GNB4: variants seen among roughly 807,000 people sequenced by gnomAD.
GNB4 encodes guanine nucleotide-binding protein subunit beta-4.
In GNB4, 28 loss-of-function variants were observed where a neutral mutation model predicts 45.2. The ratio of observed to expected loss-of-function variants is 0.62; its 90% CI spans 0.46 to 0.85. The LOEUF (loss-of-function observed/expected upper bound fraction) is 0.85. Among genes scored for constraint, GNB4 ranks in the 40% least tolerant of loss-of-function variants. The pLI is 0.00. For synonymous variants in GNB4, 132 were observed against 143.7 expected, an observed-to-expected ratio of 0.92 and a Z score of 0.58; for missense variants, 321 against 425.4, an observed-to-expected ratio of 0.75 and a Z score of 2.16.
At chr3:179,416,986 C>T (rs1714818014) in intron 4 of GNB4, among the ~76,000 whole-genome samples, 1 of 152,176 alleles carries the variant, frequency 6.6e-6, no homozygotes, top group Non-Finnish European at 1.5e-5. Flanking sequence ...ACGCAGGATA[C>T]ATCGCCTGCT....
At chr3:179,430,493 A>G (rs1332042836) in intron 1 of GNB4, among the ~76,000 whole-genome samples, 1 of 151,720 alleles carries the variant, frequency 6.6e-6, no homozygotes, top group East Asian at 1.9e-4. Flanking sequence ...CACTCTGTCA[A>G]CCAGGCTGGA....
the GNB4 span, among the ~76,000 whole-genome samples, chr3:179,519,627 C>T: frequency 3.3e-5 from 5 of 152,138 alleles, no homozygotes; most frequent in African/African-American, 7.2e-5. Context: ...TAGGCCGAGA[C>T]ATTTTAACTA....
chr3:179,516,929 A>G, the GNB4 span, among the ~76,000 whole-genome samples: 960 of 152,284 alleles, frequency 6.3e-3, 16 homozygotes, highest in African/African-American at 0.022. Context: ...CCTTGCAGTG[A>G]ATGACTCCAG....
the GNB4 span, among the ~76,000 whole-genome samples, chr3:179,509,642 C>G: frequency 6.6e-6 from 1 of 151,526 alleles, no homozygotes; most frequent in Non-Finnish European, 1.5e-5. Context: ...CCCTTTGGCC[C>G]TCCCTTCCCT....
At chr3:179,515,194 A>C in the GNB4 span, among the ~76,000 whole-genome samples, 1 of 152,264 alleles carries the variant, frequency 6.6e-6, no homozygotes, top group Non-Finnish European at 1.5e-5. Context: ...CTGGGTGTTT[A>C]CAATGTGTCA....
chr3:179,464,306 A>C, the GNB4 span: 1 of 591,770 alleles, frequency 1.7e-6, no homozygotes, highest in Non-Finnish European at 3.1e-6. Flanking sequence ...TAAAAATTAA[A>C]AATATTAAAC....
chr3:179,499,347 G>T, the GNB4 span, among the ~76,000 whole-genome samples: 2 of 152,108 alleles, frequency 1.3e-5, no homozygotes, highest in South Asian at 2.1e-4. Context: ...TTTTAGTAGA[G>T]ACAGGGTTTC....
chr3:179,475,607 G>A, the GNB4 span, among the ~76,000 whole-genome samples: 6 of 151,758 alleles, frequency 4.0e-5, no homozygotes, highest in Non-Finnish European at 7.4e-5. Context: ...TGAGTAGCTG[G>A]GACTACAGGT....
the GNB4 span, among the ~76,000 whole-genome samples, chr3:179,475,779 C>T: frequency 6.6e-5 from 10 of 152,264 alleles, no homozygotes; most frequent in African/African-American, 1.4e-4. Flanking sequence ...GCCCTGAACT[C>T]GCTTTTCTAA....
chr3:179,459,392 C>T, the GNB4 span, among the ~76,000 whole-genome samples: 2 of 152,110 alleles, frequency 1.3e-5, no homozygotes, highest in Non-Finnish European at 2.9e-5. Context: ...TCTTAGAAGC[C>T]TACCTTCCGG....
intron 2 of GNB4, among the ~76,000 whole-genome samples, chr3:179,423,642 G>A (rs567274148): frequency 5.3e-5 from 8 of 152,248 alleles, no homozygotes; most frequent in East Asian, 3.9e-4. Context: ...TTAGCTGGGC[G>A]TGGTGGTGTG....
intron 9 of GNB4, among the ~76,000 whole-genome samples, chr3:179,402,198 T>C (rs911336804): frequency 6.6e-6 from 1 of 152,190 alleles, no homozygotes; most frequent in African/African-American, 2.4e-5. Flanking sequence ...CTAAATACTT[T>C]AAGTCACACT....
chr3:179,504,096 T>C, the GNB4 span, among the ~76,000 whole-genome samples: 1 of 152,170 alleles, frequency 6.6e-6, no homozygotes, highest in South Asian at 2.1e-4. Flanking sequence ...TTTAGTATTA[T>C]AATCTTTTTC....
intron 9 of GNB4, among the ~76,000 whole-genome samples, chr3:179,404,023 C>A (rs1224607342): frequency 6.6e-6 from 1 of 151,494 alleles, no homozygotes; most frequent in African/African-American, 2.4e-5. Flanking sequence ...CACTAAATAC[C>A]CAGCACAATG....
chr3:179,464,977 G>C, the GNB4 span: 6 of 1,540,892 alleles, frequency 3.9e-6, no homozygotes, highest in Non-Finnish European at 3.6e-6. Flanking sequence ...CCATTGCAAT[G>C]TTACTGCACA....
intron 2 of GNB4, among the ~76,000 whole-genome samples, chr3:179,423,510 G>A (rs1166803665): frequency 4.6e-5 from 7 of 152,184 alleles, no homozygotes; most frequent in East Asian, 3.9e-4. Context: ...TTGACTGGGC[G>A]TGGTGGCTTA....
intron 1 of GNB4, among the ~76,000 whole-genome samples, chr3:179,446,108 C>A (rs1715718020): frequency 6.6e-6 from 1 of 152,196 alleles, no homozygotes; most frequent in Non-Finnish European, 1.5e-5. Context: ...GAAAATGGAA[C>A]TGAGGAACAC....
the GNB4 span, among the ~76,000 whole-genome samples, chr3:179,481,489 T>C: frequency 4.5e-4 from 69 of 152,076 alleles, no homozygotes; most frequent in Admixed American, 7.2e-4. Context: ...GCTTCTTTTA[T>C]AAAAAACTTT....
At chr3:179,464,377 C>T in the GNB4 span, 4 of 998,660 alleles carry the variant, frequency 4.0e-6, no homozygotes, top group Non-Finnish European at 4.8e-6. Flanking sequence ...TCCAGGTTGG[C>T]TGCCTGGCTG....
Sources: allele counts gnomAD v4.1 joint callset (sites outside exome capture counted in the v4.1 genomes callset), GRCh38; gene constraint gnomAD v4.1.1; transcripts MANE v1.5; gene names NCBI Gene and HGNC (gene_info 2026-07-23, HGNC 2026-07-21).